ZC3H7A: variants seen among roughly 807,000 people sequenced by gnomAD.
ZC3H7A encodes zinc finger CCCH domain-containing protein 7A.
ZC3H7A carries 44 observed loss-of-function variants against 125.5 expected under a neutral mutation model. That is an observed-to-expected ratio of 0.35 (90% CI 0.28 to 0.45). The LOEUF is 0.45. ZC3H7A is among the 20% of genes least tolerant of loss of function. The probability of loss-of-function intolerance (pLI) is 1.00; values close to 1 mark genes in which losing one functional copy is unlikely to be tolerated. For synonymous variants in ZC3H7A, 399 were observed against 391.2 expected (o/e 1.02, Z -0.23); for missense variants, 977 against 1,170.7 (o/e 0.83, Z 2.41).
At chr16:11,781,048 G>A (rs1011578068) in intron 3 of ZC3H7A, among the ~76,000 whole-genome samples, 1 of 151,212 alleles carries the variant, frequency 6.6e-6, no homozygotes, top group African/African-American at 2.4e-5. Context: ...CCCTAATAGA[G>A]GAAAGAAAAT....
chr16:11,763,853 G>C (rs981369006), intron 15 of ZC3H7A, among the ~76,000 whole-genome samples, 194 bp from the exon 16 acceptor site: 15 of 146,950 alleles, frequency 1.0e-4, no homozygotes, highest in African/African-American at 3.8e-4. Flanking sequence ...GCCCAGGCTG[G>C]AGTGCAGTGG....
rs2052879677 is a variant in ZC3H7A, at chr16:11,767,448, T to G, written c.1491A>C (p.Thr497=). ...WKKIRPRPTK[T]NYEGPYYICK... Reference sequence around the variant, plus strand: ...ATATATAATATGGTCCTTCATAATTTGTTTTTGTTGGTCTTGGACGTATTT... The same window carrying G: ...ATATATAATATGGTCCTTCATAATTGGTTTTTGTTGGTCTTGGACGTATTT... The change falls in exon 13 of 23, where the codon ACA becomes ACC. Residue 497 remains threonine, a synonymous_variant. Coordinates refer to ENST00000355758, the MANE Select transcript of ZC3H7A (RefSeq NM_014153.4). 1.2e-6 allele frequency: 2 copies of G among 1,600,330 alleles called. No individual in the cohort carries two copies. The highest frequency in any genetic ancestry group is 1.3e-5 in the African/African-American group (1 of 74,634).
intron 20 of ZC3H7A, 53 bp downstream of exon 20, chr16:11,758,377 GA>G (rs1160307357): frequency 5.9e-5 from 79 of 1,345,236 alleles, no homozygotes; most frequent in Non-Finnish European, 6.9e-5. Flanking sequence ...TTATAGAGAG[GA>G]AAAGAACTTT....
At chr16:11,761,368 C>T (rs1209570132) in intron 19 of ZC3H7A, 38 bp downstream of exon 19, 1 of 1,577,986 alleles carries the variant, frequency 6.3e-7, no homozygotes, top group Non-Finnish European at 8.7e-7. Context: ...TTTGAAATGC[C>T]TAATTTAAAA....
chr16:11,752,773 G>A lies in ZC3H7A; in HGVS notation c.2622C>T (p.Gly874=), dbSNP rs754727738. 6 of 1,614,022 alleles carry A rather than the reference G, an allele frequency of 3.7e-6. No individual in the cohort carries two copies. Among genetic ancestry groups the A allele is most frequent in the Admixed American group, 3.3e-5 (2 of 60,002 alleles). ...KNCNSEKQWQ[G]HISSEKHKEK... ...CTTTGTGCTTCTCGGAGGAGATGTG[G>A]CCCTGCCACTGCTTCTCACTGTTGC... The change falls in exon 22 of 23, where the codon GGC becomes GGT. Residue 874 remains glycine (G), a synonymous_variant. Transcript: ENST00000355758.
In ZC3H7A at chr16:11,785,953, T is replaced by C. The variant is rs564621574; in HGVS notation, c.-34-3565A>G. The stretch of plus-strand genomic sequence containing the variant: ...TTTTTTAAAGTGACGGGTAGGTATA[T>C]ATATTGACATATGCTTGTGTAAACA... On this transcript the variant is annotated intron_variant, in intron 1 of 22. Coordinates refer to ENST00000355758, the MANE Select transcript of ZC3H7A (RefSeq NM_014153.4). 5.6e-4 allele frequency among the ~76,000 whole-genome samples: 86 copies of C among 152,240 alleles called. 2 individuals carry two copies. The highest frequency in any genetic ancestry group is 1.3e-3 in the African/African-American group (56 of 41,536).
rs994556973 is a variant in ZC3H7A, at chr16:11,779,542, C to T, written c.109-179G>A. 2.0e-5 allele frequency among the ~76,000 whole-genome samples: 3 copies of T among 152,170 alleles called. No homozygotes were observed. The South Asian group carries it at 6.2e-4, about 31-fold the overall frequency. ...TATCTCAGCTAGGGATTGAATCTTG[C>T]TTGCTTTTTCAAGGGGAAATTCAAT... On this transcript the variant is annotated intron_variant, in intron 3 of 22. Coordinates refer to ENST00000355758, the MANE Select transcript of ZC3H7A (RefSeq NM_014153.4).
At chr16:11,788,913 C>G (rs72782728) in intron 1 of ZC3H7A, among the ~76,000 whole-genome samples, 40,074 of 151,928 alleles carry the variant, frequency 0.26, 5,590 homozygotes, top group East Asian at 0.49. Flanking sequence ...CGCTCGGCCT[C>G]ACAAAGATAT....
At chr16:11,774,099 A>G (rs1419266184) in intron 9 of ZC3H7A, 137 bp downstream of exon 9, 1 of 851,236 alleles carries the variant, frequency 1.2e-6, no homozygotes. Context: ...TAGAGAAGAA[A>G]AAAAGTAACT....
intron 1 of ZC3H7A, among the ~76,000 whole-genome samples, chr16:11,785,383 G>A (rs1204431862): frequency 1.3e-5 from 2 of 151,652 alleles, no homozygotes; most frequent in African/African-American, 2.4e-5. Context: ...GTGCGTACCA[G>A]TAGTCCCAGC....
intron 19 of ZC3H7A, among the ~76,000 whole-genome samples, chr16:11,760,403 C>CATT (rs1375622577): frequency 3.3e-5 from 5 of 152,132 alleles, no homozygotes; most frequent in Non-Finnish European, 4.4e-5. Context: ...CTACATAACC[C>CATT]ATTAATAAAA....
At chr16:11,756,187 G>C (rs369749450) in intron 21 of ZC3H7A, 50 bp downstream of exon 21, 29 of 1,574,066 alleles carry the variant, frequency 1.8e-5, no homozygotes, top group Middle Eastern at 1.7e-4. Context: ...GAAAAGAAAG[G>C]CTCCATCAAT....
At chr16:11,757,540 T>TA (rs1174146591) in intron 20 of ZC3H7A, among the ~76,000 whole-genome samples, 1 of 138,442 alleles carries the variant, frequency 7.2e-6, no homozygotes, top group Non-Finnish European at 1.6e-5. Context: ...ACCACTGTGC[T>TA]AAAAACTCTG....
At chr16:11,767,390 T>C in intron 13 of ZC3H7A, 27 bp downstream of exon 13, 4 of 1,470,214 alleles carry the variant, frequency 2.7e-6, no homozygotes, top group Non-Finnish European at 3.7e-6. Context: ...ATGTAATGTA[T>C]ACTAATTAAG....
At chr16:11,794,798 T>C (rs1314042945) in intron 1 of ZC3H7A, among the ~76,000 whole-genome samples, 1 of 152,158 alleles carries the variant, frequency 6.6e-6, no homozygotes, top group Admixed American at 6.6e-5. Flanking sequence ...AACTGGCAGG[T>C]TTTAAAATCA....
At chr16:11,784,052 G>T (rs187987612) in intron 1 of ZC3H7A, among the ~76,000 whole-genome samples, 54 of 152,228 alleles carry the variant, frequency 3.5e-4, no homozygotes, top group Non-Finnish European at 6.6e-4. Flanking sequence ...AAGTGCAGGG[G>T]ATTCTTCAGT....
rs1342363808 is a variant in ZC3H7A, at chr16:11,762,628, C to G, written c.2079+43G>C. 8 of 1,590,710 alleles carry G rather than the reference C, an allele frequency of 5.0e-6. 1 individual carries two copies. In the Admixed American group the frequency reaches 1.3e-4, roughly 27 times the overall value. ...ACAACCAACATCTATTACGCAATTC[C>G]AGAAAGGACACCAAATGCAGAAAGT... On this transcript the variant is annotated intron_variant, in intron 17 of 22. Transcript: ENST00000355758.
In ZC3H7A at chr16:11,776,909, C is replaced by G. The variant is rs1596395568; in HGVS notation, c.307G>C (p.Gly103Arg). The G allele has an allele frequency of 6.3e-7, 1 of 1,590,042 alleles. No homozygotes were observed. Among genetic ancestry groups the G allele is most frequent in the Admixed American group, 1.8e-5 (1 of 54,080 alleles). The change falls in exon 5 of 23, where the codon GGT becomes CGT. Residue 103 changes from glycine to arginine, a missense_variant and splice_region_variant. Physicochemically the swap from Gly to Arg is moderately radical, Grantham distance 125. Transcript: ENST00000355758. ...INRIACYSNM[G>R]FHDKVLEDCN... ...TCCTCCAAAACTTTATCATGGAAAC[C>G]CTGGTGTGTAAGACCAAAGAATAAA...
In ZC3H7A at chr16:11,752,660, C is replaced by A; in HGVS notation, c.2726+9G>T. 1 of 1,607,522 alleles carries A rather than the reference C, an allele frequency of 6.2e-7. No individual in the cohort carries two copies. The highest frequency in any genetic ancestry group is 8.5e-7 in the Non-Finnish European group (1 of 1,177,862). On this transcript the variant is annotated intron_variant, in intron 22 of 22. Transcript: ENST00000355758. ...TTCTGACATGGAAAAATTGTAGAAA[C>A]CTACATACCTATCACAAATACTGAA...
Sources: gnomAD v4.1 joint callset for allele counts (sites outside exome capture counted in the v4.1 genomes callset) on GRCh38, gnomAD v4.1.1 for gene constraint, MANE v1.5 for transcripts, NCBI Gene and HGNC (gene_info 2026-07-23, HGNC 2026-07-21) for gene names.